Variants in CACNA2D3 observed in about 807,000 individuals in gnomAD.
The protein encoded by CACNA2D3 is voltage-dependent calcium channel subunit alpha-2/delta-3.
A neutral mutation model predicts 160.6 loss-of-function variants in CACNA2D3; 60 were observed. That is an observed-to-expected ratio of 0.37 (90% CI 0.30 to 0.46). CACNA2D3 has a LOEUF of 0.46. CACNA2D3 is among the 20% of genes least tolerant of loss of function. CACNA2D3 has a pLI of 1.00. For missense variants in CACNA2D3, 1,205 were observed against 1,365.0 expected, an observed-to-expected ratio of 0.88 and a Z score of 1.85; for synonymous variants, 558 against 492.9, an observed-to-expected ratio of 1.13 and a Z score of -1.75.
At chr3:54,307,344 T>A (rs1317081741) in intron 2 of CACNA2D3, among the ~76,000 whole-genome samples, 1 of 152,118 alleles carries the variant, frequency 6.6e-6, no homozygotes, top group East Asian at 1.9e-4. Context: ...TTTAGTACTG[T>A]TTATGGTGAT....
chr3:54,579,815 C>G (rs1160882611), intron 8 of CACNA2D3, among the ~76,000 whole-genome samples: 2 of 152,194 alleles, frequency 1.3e-5, no homozygotes, highest in African/African-American at 2.4e-5. Context: ...TGTTTGTTGA[C>G]TAAAAGTCAT....
intron 8 of CACNA2D3, among the ~76,000 whole-genome samples, chr3:54,579,575 C>A (rs1005912736): frequency 6.6e-6 from 1 of 152,198 alleles, no homozygotes; most frequent in African/African-American, 2.4e-5. Flanking sequence ...TCGTGTCCAA[C>A]AACGGGGAAC....
At chr3:54,446,920 ACAAGGCCTCTTC>A (rs1249646533) in intron 4 of CACNA2D3, among the ~76,000 whole-genome samples, 1 of 152,160 alleles carries the variant, frequency 6.6e-6, no homozygotes, top group Non-Finnish European at 1.5e-5. Flanking sequence ...CAGCTCTCCG[ACAAGGCCTCTTC>A]CAAATTGTGC....
chr3:54,445,555 T>TACACACACACACACACACACAC (rs3028897), intron 4 of CACNA2D3, among the ~76,000 whole-genome samples: 14 of 147,110 alleles, frequency 9.5e-5, no homozygotes, highest in African/African-American at 2.5e-4. Context: ...TTTCTATGTA[T>TACACACACACACACACACACAC]ACACACACAC....
At chr3:54,927,949 A>G in intron 27 of CACNA2D3, 1 of 1,609,664 alleles carries the variant, frequency 6.2e-7, no homozygotes, top group Non-Finnish European at 8.5e-7. Context: ...GACCTCGTAG[A>G]CCCTTTAATT....
intron 10 of CACNA2D3, among the ~76,000 whole-genome samples, chr3:54,630,328 T>C (rs577850880): frequency 6.6e-6 from 1 of 152,320 alleles, no homozygotes; most frequent in African/African-American, 2.4e-5. Context: ...CTCTATTTTC[T>C]GTTCCTTTCC....
At chr3:54,317,623 C>T (rs920155483) in intron 2 of CACNA2D3, among the ~76,000 whole-genome samples, 8 of 152,212 alleles carry the variant, frequency 5.3e-5, no homozygotes, top group African/African-American at 1.2e-4. Flanking sequence ...CTGCAATATC[C>T]GCCTCCCAGG....
intron 9 of CACNA2D3, among the ~76,000 whole-genome samples, chr3:54,617,927 C>A (rs192252995): frequency 6.6e-6 from 1 of 151,726 alleles, no homozygotes; most frequent in African/African-American, 2.4e-5. Context: ...CAGTGACTTT[C>A]CTTTTTCTGT....
chr3:54,910,596 A>G (rs1406708583), intron 27 of CACNA2D3, among the ~76,000 whole-genome samples: 1 of 152,018 alleles, frequency 6.6e-6, no homozygotes, highest in Non-Finnish European at 1.5e-5. Context: ...CTCCCTAACT[A>G]GTAAATGTTG....
At chr3:54,973,033 G>T (rs1349781312) in intron 29 of CACNA2D3, among the ~76,000 whole-genome samples, 2 of 152,132 alleles carry the variant, frequency 1.3e-5, no homozygotes, top group Non-Finnish European at 2.9e-5. Context: ...ATTGTGGTAA[G>T]TCCTGCAGAG....
chr3:54,659,262 C>T (rs1420246572), intron 11 of CACNA2D3, among the ~76,000 whole-genome samples: 1 of 152,076 alleles, frequency 6.6e-6, no homozygotes, highest in Non-Finnish European at 1.5e-5. Context: ...TCCGAAGTGC[C>T]CAGAGTGGTG....
At chr3:54,224,760 C>A (rs1359181998) in intron 2 of CACNA2D3, among the ~76,000 whole-genome samples, 1 of 152,130 alleles carries the variant, frequency 6.6e-6, no homozygotes, top group Middle Eastern at 3.4e-3. Context: ...TTATTTCATA[C>A]AAAGTGTGTT....
intron 13 of CACNA2D3, among the ~76,000 whole-genome samples, chr3:54,765,897 A>G (rs1429672482): frequency 6.6e-6 from 1 of 152,116 alleles, no homozygotes; most frequent in Non-Finnish European, 1.5e-5. Flanking sequence ...TGCTTTTGGG[A>G]AAATCAGATA....
chr3:54,326,977 C>T (rs1364481466), intron 3 of CACNA2D3, among the ~76,000 whole-genome samples: 2 of 152,060 alleles, frequency 1.3e-5, no homozygotes, highest in Admixed American at 6.6e-5. Flanking sequence ...CTTGCAAAAT[C>T]GTACGTATAT....
intron 27 of CACNA2D3, among the ~76,000 whole-genome samples, chr3:54,958,542 A>G (rs767666571): frequency 3.9e-5 from 6 of 152,152 alleles, no homozygotes; most frequent in East Asian, 3.9e-4. Flanking sequence ...AGGTCTTCCA[A>G]TGTGGGGATC....
chr3:54,581,860 G>A lies in CACNA2D3; in HGVS notation c.946G>A (p.Asp316Asn), dbSNP rs765359002. The change falls in exon 9 of 38, where the codon GAC (aspartate) becomes AAC (asparagine). Residue 316 changes from aspartate to asparagine, a missense_variant. This residue lies in a region of CACNA2D3 where 911 missense variants were observed against 1,002.2 expected (regional missense o/e 0.91). Transcript: ENST00000474759. ...CCTGAATGGAACTTTGGTGCAAGCC[G>A]ACAGGACAAACAAAGAGGTAGGGGC... is the stretch of plus-strand genomic sequence containing the variant. ...PCLNGTLVQA[D>N]RTNKEHFREH... 8 of 1,613,612 alleles carry A rather than the reference G, an allele frequency of 5.0e-6. No individual in the cohort carries two copies. The highest frequency in any genetic ancestry group is 1.3e-5 in the African/African-American group (1 of 74,900).
chr3:54,233,642 A>G (rs903439666), intron 2 of CACNA2D3, among the ~76,000 whole-genome samples: 2 of 152,354 alleles, frequency 1.3e-5, no homozygotes, highest in Admixed American at 1.3e-4. Flanking sequence ...TCTTTGGGAC[A>G]GAATTCTTGT....
intron 6 of CACNA2D3, among the ~76,000 whole-genome samples, chr3:54,567,332 G>A (rs1001373342): frequency 1.2e-4 from 19 of 152,112 alleles, no homozygotes; most frequent in African/African-American, 4.1e-4. Context: ...TAAATTATGG[G>A]CCAAGTACTA....
chr3:54,294,465 C>T lies in CACNA2D3; in HGVS notation c.205-25977C>T, dbSNP rs35767152. 9.0e-3 allele frequency among the ~76,000 whole-genome samples: 1,370 copies of T among 152,282 alleles called. 23 individuals carry two copies. Among genetic ancestry groups the T allele is most frequent in the East Asian group, 0.061 (314 of 5,168 alleles). ...CCTCTCCTTTGAGTGGTTGCTCATT[C>T]TTCCCTTTCACTTGCTGCTGGAGCC... On this transcript the variant is annotated intron_variant, in intron 2 of 37. Coordinates refer to ENST00000474759, the MANE Select transcript of CACNA2D3 (RefSeq NM_018398.3).
Sources: gnomAD v4.1 joint callset for allele counts (sites outside exome capture counted in the v4.1 genomes callset) on GRCh38, gnomAD v4.1.1 for gene constraint, gnomAD v4.1.1 regional missense constraint, MANE v1.5 for transcripts, NCBI Gene and HGNC (gene_info 2026-07-23, HGNC 2026-07-21) for gene names.